CSMD1: variants seen among roughly 807,000 people sequenced by gnomAD.
CSMD1 encodes the protein CUB and Sushi multiple domains 1.
A neutral mutation model predicts 417.5 loss-of-function variants in CSMD1; 213 were observed. The observed-to-expected ratio is 0.51, with a 90% CI of 0.46 to 0.57. The LOEUF (loss-of-function observed/expected upper bound fraction) is 0.57, where lower values mean the gene tolerates loss of function less well. CSMD1 is among the 20% of genes least tolerant of loss of function. The probability of loss-of-function intolerance (pLI) is 0.00; values close to 1 mark genes in which losing one functional copy is unlikely to be tolerated. For synonymous variants in CSMD1, 2,862 were observed against 1,736.8 expected (o/e 1.65, Z -16.11); for missense variants, 6,923 against 4,529.7 (o/e 1.53, Z -15.17).
intron 10 of CSMD1, among the ~76,000 whole-genome samples, chr8:3,521,554 ACTCC>A (rs1340858150): frequency 6.6e-6 from 1 of 151,890 alleles, no homozygotes; most frequent in Non-Finnish European, 1.5e-5. Flanking sequence ...AACATAAGTT[ACTCC>A]CAAGTTGGAT....
intron 2 of CSMD1, among the ~76,000 whole-genome samples, chr8:4,615,314 C>A (rs1201626883): frequency 6.6e-6 from 1 of 152,116 alleles, no homozygotes; most frequent in Admixed American, 6.5e-5. Flanking sequence ...GCAGTATCTT[C>A]CCCCAAACCC....
chr8:4,467,598 G>C (rs556962850), intron 2 of CSMD1, among the ~76,000 whole-genome samples: 1 of 152,134 alleles, frequency 6.6e-6, no homozygotes, highest in South Asian at 2.1e-4. Flanking sequence ...CTTTTCAAGA[G>C]TCAGTGCATT....
chr8:4,688,720 C>T (rs1806566378), intron 1 of CSMD1, among the ~76,000 whole-genome samples: 1 of 152,124 alleles, frequency 6.6e-6, no homozygotes, highest in Non-Finnish European at 1.5e-5. Context: ...CCACAAATGT[C>T]ATCTCATTAC....
intron 8 of CSMD1, among the ~76,000 whole-genome samples, chr8:3,607,898 AG>A (rs1765417735): frequency 6.6e-6 from 1 of 152,170 alleles, no homozygotes; most frequent in Non-Finnish European, 1.5e-5. Context: ...AGCCAGGCAC[AG>A]TGGTTCATGC....
intron 1 of CSMD1, among the ~76,000 whole-genome samples, chr8:4,980,906 A>G (rs1810853727): frequency 6.6e-6 from 1 of 152,104 alleles, no homozygotes; most frequent in Non-Finnish European, 1.5e-5. Flanking sequence ...TGTCTCGAAA[A>G]AAAAAAAAAC....
intron 3 of CSMD1, among the ~76,000 whole-genome samples, chr8:4,091,762 A>G (rs1174211280): frequency 6.6e-6 from 1 of 152,224 alleles, no homozygotes; most frequent in Non-Finnish European, 1.5e-5. Context: ...TGTATTTAAC[A>G]TATTCTACTT....
At chr8:3,856,400 C>A (rs963001090) in intron 5 of CSMD1, among the ~76,000 whole-genome samples, 4 of 152,086 alleles carry the variant, frequency 2.6e-5, no homozygotes, top group African/African-American at 4.8e-5. Context: ...TATAAATTAC[C>A]CAGTTTCTGC....
intron 11 of CSMD1, among the ~76,000 whole-genome samples, chr8:3,485,439 C>A (rs915120019): frequency 6.6e-6 from 1 of 151,488 alleles, no homozygotes. Context: ...TATGAGGGAA[C>A]TTTGGGGTAT....
chr8:4,875,628 A>G (rs1044356248), intron 1 of CSMD1, among the ~76,000 whole-genome samples: 1 of 152,080 alleles, frequency 6.6e-6, no homozygotes, highest in African/African-American at 2.4e-5. Flanking sequence ...TTGCAATAGG[A>G]TATGATTGGA....
At chr8:3,130,740 C>T (rs1585426021) in intron 41 of CSMD1, among the ~76,000 whole-genome samples, 1 of 152,078 alleles carries the variant, frequency 6.6e-6, no homozygotes, top group Admixed American at 6.6e-5. Context: ...GAGTGGCAGA[C>T]CCCAGGCCCC....
chr8:4,014,020 G>T (rs1187953189), intron 4 of CSMD1, among the ~76,000 whole-genome samples: 1 of 151,958 alleles, frequency 6.6e-6, no homozygotes, highest in East Asian at 1.9e-4. Context: ...ATACTGAAAG[G>T]ACATACGGAG....
intron 28 of CSMD1, among the ~76,000 whole-genome samples, 175 bp from the exon 29 acceptor site, chr8:3,219,617 T>G (rs1008266892): frequency 3.3e-5 from 5 of 152,200 alleles, no homozygotes; most frequent in Non-Finnish European, 5.9e-5. Context: ...ATAGCAATAG[T>G]ATAAAATACA....
At chr8:4,934,546 A>T (rs1468798140) in intron 1 of CSMD1, among the ~76,000 whole-genome samples, 6 of 152,150 alleles carry the variant, frequency 3.9e-5, no homozygotes, top group African/African-American at 1.4e-4. Context: ...TGCTACTAGG[A>T]ACGAGATGGA....
intron 3 of CSMD1, among the ~76,000 whole-genome samples, chr8:4,052,702 A>G (rs150064788): frequency 5.3e-5 from 8 of 152,312 alleles, no homozygotes; most frequent in African/African-American, 1.7e-4. Flanking sequence ...TATATTTGCT[A>G]TTAATGTTAT....
At chr8:3,661,080 T>C (rs1029825822) in intron 7 of CSMD1, among the ~76,000 whole-genome samples, 8 of 152,132 alleles carry the variant, frequency 5.3e-5, no homozygotes, top group Admixed American at 5.2e-4. Flanking sequence ...AGAAAACAAA[T>C]GCTAGGATAC....
chr8:3,702,244 C>T (rs145139852), intron 7 of CSMD1: 3 of 152,314 alleles, frequency 2.0e-5, no homozygotes, highest in African/African-American at 7.2e-5. Flanking sequence ...AAATGCTCCT[C>T]CGTACACAGC....
intron 54 of CSMD1, among the ~76,000 whole-genome samples, chr8:2,995,467 A>T (rs1473619588): frequency 6.6e-6 from 1 of 152,228 alleles, no homozygotes. Flanking sequence ...TAGTACCGCC[A>T]TGCTGGAAAA....
intron 18 of CSMD1, among the ~76,000 whole-genome samples, chr8:3,378,285 A>C (rs1191333761): frequency 6.6e-6 from 1 of 152,216 alleles, no homozygotes; most frequent in Non-Finnish European, 1.5e-5. Context: ...GAAGCCCAGG[A>C]CCAGGTGGAT....
At chr8:3,780,625 C>A (rs1311132178) in intron 5 of CSMD1, among the ~76,000 whole-genome samples, 1 of 152,170 alleles carries the variant, frequency 6.6e-6, no homozygotes, top group Non-Finnish European at 1.5e-5. Flanking sequence ...CAAACTGGGC[C>A]TGCTCCCAGC....
Sources: allele counts gnomAD v4.1 joint callset (sites outside exome capture counted in the v4.1 genomes callset), GRCh38; gene constraint gnomAD v4.1.1; transcripts MANE v1.5; gene names NCBI Gene and HGNC (gene_info 2026-07-23, HGNC 2026-07-21).